DNAJA3: variants seen among roughly 807,000 people sequenced by gnomAD.
The protein encoded by DNAJA3 is DnaJ heat shock protein family (Hsp40) member A3, also known as dnaJ homolog subfamily A member 3, mitochondrial.
DNAJA3 carries 29 observed loss-of-function variants against 54.9 expected under a neutral mutation model. The observed-to-expected ratio is 0.53, with a 90% CI of 0.39 to 0.72. The LOEUF (loss-of-function observed/expected upper bound fraction) is 0.72. Ranked by LOEUF, DNAJA3 falls within the 30% of genes least tolerant of loss-of-function variation. The pLI is 0.00. For synonymous variants in DNAJA3, 302 were observed against 251.4 expected (o/e 1.20, Z -1.90); for missense variants, 708 against 639.4 (o/e 1.11, Z -1.16).
rs773257595 is a variant in DNAJA3 at position 4,444,686 on chromosome 16, G to A, written c.954G>A (p.Val318=). ...VPAGVEDGQT[V]RMPVGKREIF... ...TAGGAGTCGAGGATGGCCAGACCGTGAGGATGCCTGTGGGAAAAAGGGAAA... is the reference window on the plus strand; with the variant it reads ...TAGGAGTCGAGGATGGCCAGACCGTAAGGATGCCTGTGGGAAAAAGGGAAA... Residue 318 remains valine, a synonymous_variant, in exon 7 of 12, where the codon GTG becomes GTA. Transcript: ENST00000262375. 1 of 1,614,212 alleles carries A rather than the reference G, an allele frequency of 6.2e-7. No individual in the cohort carries two copies. Among genetic ancestry groups the A allele is most frequent in the African/African-American group, 1.3e-5 (1 of 75,066 alleles).
chr16:4,445,445 C>T (rs545152442), intron 7 of DNAJA3, among the ~76,000 whole-genome samples: 1 of 152,192 alleles, frequency 6.6e-6, no homozygotes, highest in Non-Finnish European at 1.5e-5. Flanking sequence ...TTTAGGGACA[C>T]GGAAATACAT....
intron 10 of DNAJA3, among the ~76,000 whole-genome samples, chr16:4,453,978 C>T (rs1230412003): frequency 2.0e-5 from 3 of 152,210 alleles, no homozygotes; most frequent in African/African-American, 4.8e-5. Flanking sequence ...CACTCCTTGT[C>T]TAGTAGTTGG....
intron 1 of DNAJA3, among the ~76,000 whole-genome samples, chr16:4,429,448 T>C (rs141276179): frequency 6.7e-6 from 1 of 148,672 alleles, no homozygotes; most frequent in Non-Finnish European, 1.5e-5. Context: ...GGTCTCGATC[T>C]CTTTACCCAT....
chr16:4,443,366 G>T (rs1054714003), intron 6 of DNAJA3, among the ~76,000 whole-genome samples: 7 of 152,098 alleles, frequency 4.6e-5, no homozygotes, highest in Non-Finnish European at 1.0e-4. Context: ...GTTTCTGCCA[G>T]TTATCCTTAA....
intron 9 of DNAJA3, 140 bp from the exon 10 acceptor site, chr16:4,450,260 G>A (rs770442496): frequency 7.5e-5 from 46 of 616,218 alleles, no homozygotes; most frequent in Middle Eastern, 4.3e-4. Context: ...GGTTCTCACC[G>A]CTGCACTGGC....
chr16:4,448,052 C>CAG, intron 8 of DNAJA3: 1 of 42,372 alleles, frequency 2.4e-5, no homozygotes, highest in Non-Finnish European at 6.0e-5. Flanking sequence ...TTTTTTGAGA[C>CAG]AGAGTCTTGC....
chr16:4,437,264 C>T, intron 2 of DNAJA3, 138 bp from the exon 3 acceptor site: 1 of 744,250 alleles, frequency 1.3e-6, no homozygotes, highest in South Asian at 1.7e-5. Context: ...AGCCACTGCA[C>T]CCAGCCGAGA....
rs769536498 is a variant in DNAJA3, at chr16:4,442,399, C to G, written c.762C>G (p.His254Gln). ...CCGGCACCAAGGTGCAGCATTGCCACTACTGTGGCGGCTCCGGCATGGTAA... is the reference window on the plus strand; with the variant it reads ...CCGGCACCAAGGTGCAGCATTGCCAGTACTGTGGCGGCTCCGGCATGGTAA... ...NEPGTKVQHC[H>Q]YCGGSGMETI... is the part of the protein sequence containing the mutation. Residue 254 changes from histidine to glutamine, a missense_variant, in exon 5 of 12, where the codon CAC (histidine) becomes CAG (glutamine). His to Gln is a conservative substitution (Grantham distance 24). Coordinates refer to ENST00000262375, the MANE Select transcript of DNAJA3 (RefSeq NM_005147.6). The G allele has an allele frequency of 2.5e-6, 4 of 1,605,216 alleles. No individual in the cohort carries two copies. Among genetic ancestry groups the G allele is most frequent in the East Asian group, 2.3e-5 (1 of 44,356 alleles).
intron 3 of DNAJA3, 139 bp from the exon 4 acceptor site, chr16:4,441,236 C>T (rs2056832212): frequency 1.4e-6 from 1 of 735,018 alleles, no homozygotes; most frequent in East Asian, 2.7e-5. Flanking sequence ...GTCACAGGCC[C>T]ACCCCAACCT....
In DNAJA3 at chr16:4,456,726, T is replaced by C. The variant is rs2057040689; in HGVS notation, c.*1194T>C. The C allele has an allele frequency of 1.3e-5, 2 of 152,690 alleles. No homozygotes were observed. The highest frequency in any genetic ancestry group is 4.1e-4 in the South Asian group (2 of 4,836). The allele number at this position is 152,690 out of a possible 1,614,324, so 9.5% of individuals were successfully genotyped here. A position where few individuals can be genotyped will look rare whatever the true frequency, so the allele number is the denominator to read the frequency against. The stretch of plus-strand genomic sequence containing the variant: ...GATTTAGGAATGTAAAATGATTCTG[T>C]ATTAATGTAAATAAGATTATCTATT... On this transcript the variant is annotated 3_prime_UTR_variant, in exon 12 of 12. Transcript: ENST00000262375.
At chr16:4,448,212 C>T (rs1005734539) in intron 8 of DNAJA3, among the ~76,000 whole-genome samples, 5 of 150,532 alleles carry the variant, frequency 3.3e-5, no homozygotes, top group Non-Finnish European at 5.9e-5. Flanking sequence ...ATTTTAGTAG[C>T]GATGGGGTTT....
At chr16:4,442,654 C>A in intron 5 of DNAJA3, 1 of 529,490 alleles carries the variant, frequency 1.9e-6, no homozygotes, top group African/African-American at 1.9e-5. Context: ...GGGATTGCAT[C>A]CAGTTGTCAC....
chr16:4,451,215 C>T (rs1199942721), intron 10 of DNAJA3, among the ~76,000 whole-genome samples: 3 of 152,182 alleles, frequency 2.0e-5, no homozygotes, highest in Non-Finnish European at 4.4e-5. Flanking sequence ...GTCCTTGGTT[C>T]AGGCGGCATG....
Position 4,442,302 on chromosome 16 carries a change from A to G in DNAJA3, c.665A>G (p.Lys222Arg). 6.2e-7 allele frequency: 1 copy of G among 1,602,772 alleles called. No individual in the cohort carries two copies. The highest frequency in any genetic ancestry group is 8.5e-7 in the Non-Finnish European group (1 of 1,173,904). The change falls in exon 5 of 12, where the codon AAG (lysine) becomes AGG (arginine). Residue 222 changes from lysine (K) to arginine (R), a missense_variant. Coordinates refer to ENST00000262375, the MANE Select transcript of DNAJA3 (RefSeq NM_005147.6). ...FMELTFNQAA[K>R]GVNKEFTVNI... Reference sequence around the variant, plus strand: ...GAGTTGACATTCAATCAAGCTGCAAAGGGGGTCAACAAGGAGTTCACCGTG... The same window carrying G: ...GAGTTGACATTCAATCAAGCTGCAAGGGGGGTCAACAAGGAGTTCACCGTG...
intron 10 of DNAJA3, among the ~76,000 whole-genome samples, chr16:4,454,113 C>G (rs147662444): frequency 5.9e-5 from 9 of 152,294 alleles, no homozygotes; most frequent in African/African-American, 1.7e-4. Context: ...ATGGGGACAA[C>G]TTGCTCAGGG....
At chr16:4,442,126 C>T (rs1166115504) in intron 4 of DNAJA3, 142 bp from the exon 5 acceptor site, 2 of 816,442 alleles carry the variant, frequency 2.4e-6, no homozygotes, top group Non-Finnish European at 3.7e-6. Flanking sequence ...CCTACCTATG[C>T]TTACTTGGCA....
At chr16:4,440,607 A>T (rs1365191953) in intron 3 of DNAJA3, 1 of 151,112 alleles carries the variant, frequency 6.6e-6, no homozygotes, top group Non-Finnish European at 1.5e-5. Context: ...AAAAAAAAAG[A>T]TACAAAGTGA....
chr16:4,438,275 C>T (rs1271675182), intron 3 of DNAJA3, among the ~76,000 whole-genome samples: 1 of 151,794 alleles, frequency 6.6e-6, no homozygotes, highest in Non-Finnish European at 1.5e-5. Flanking sequence ...TGAGATTGCG[C>T]CACTGCACTC....
intron 2 of DNAJA3, among the ~76,000 whole-genome samples, chr16:4,436,857 T>C (rs1419288168): frequency 6.6e-6 from 1 of 151,998 alleles, no homozygotes; most frequent in Non-Finnish European, 1.5e-5. Flanking sequence ...AATTTGTTTT[T>C]CTTTTTTGTT....
Sources: gnomAD v4.1 joint callset for allele counts (sites outside exome capture counted in the v4.1 genomes callset) on GRCh38, gnomAD v4.1.1 for gene constraint, MANE v1.5 for transcripts, NCBI Gene and HGNC (gene_info 2026-07-23, HGNC 2026-07-21) for gene names.